MYO18A: variants seen among roughly 807,000 people sequenced by gnomAD.
MYO18A encodes myosin XVIIIA, also known as unconventional myosin-XVIIIa.
MYO18A carries 78 observed loss-of-function variants against 235.8 expected under a neutral mutation model. The observed-to-expected ratio is 0.33, with a 90% CI of 0.28 to 0.40. The LOEUF is 0.40. Ranked by LOEUF, MYO18A falls within the 10% of genes least tolerant of loss-of-function variation. MYO18A has a pLI of 1.00. For missense variants in MYO18A, 2,215 were observed against 2,699.3 expected, an observed-to-expected ratio of 0.82 and a Z score of 3.98; for synonymous variants, 977 against 1,077.8, an observed-to-expected ratio of 0.91 and a Z score of 1.83.
chr17:29,094,188 G>A (rs1216721908), intron 30 of MYO18A, 98 bp from the exon 31 acceptor site: 19 of 832,190 alleles, frequency 2.3e-5, no homozygotes, highest in African/African-American at 1.2e-4. Flanking sequence ...GGCCGAGAAC[G>A]TCCACCAGCC....
intron 2 of MYO18A, among the ~76,000 whole-genome samples, chr17:29,142,056 T>C (rs1025750004): frequency 1.3e-5 from 2 of 152,228 alleles, no homozygotes; most frequent in East Asian, 1.9e-4. Flanking sequence ...GCCATTCTCC[T>C]GCCTCAGCCT....
At chr17:29,128,983 G>A in intron 2 of MYO18A, 3 of 1,149,566 alleles carry the variant, frequency 2.6e-6, no homozygotes, top group Non-Finnish European at 3.5e-6. Flanking sequence ...ATGGAGCATG[G>A]AGAGGTCAAA....
At chr17:29,099,598 G>A in intron 22 of MYO18A, 36 bp downstream of exon 22, 8 of 1,603,636 alleles carry the variant, frequency 5.0e-6, no homozygotes, top group Non-Finnish European at 6.8e-6. Context: ...TGCCCATCTA[G>A]GTTGGGGAGG....
intron 28 of MYO18A, 49 bp from the exon 29 acceptor site, chr17:29,095,108 C>T: frequency 1.3e-6 from 2 of 1,483,800 alleles, no homozygotes; most frequent in Non-Finnish European, 1.8e-6. Context: ...GCCAGGGTCC[C>T]CCACACAGAC....
intron 2 of MYO18A, among the ~76,000 whole-genome samples, chr17:29,159,458 TA>T (rs1193025140): frequency 6.6e-6 from 1 of 151,856 alleles, no homozygotes; most frequent in Non-Finnish European, 1.5e-5. Context: ...TTCCTGTTTT[TA>T]AAAACAAAAC....
intron 2 of MYO18A, among the ~76,000 whole-genome samples, chr17:29,161,961 T>C (rs2068184095): frequency 6.6e-6 from 1 of 152,200 alleles, no homozygotes; most frequent in Admixed American, 6.5e-5. Context: ...CCCCAAGAAC[T>C]TTCCCTAAGG....
chr17:29,173,392 CTTT>C (rs759650091), intron 1 of MYO18A, among the ~76,000 whole-genome samples: 5 of 131,570 alleles, frequency 3.8e-5, no homozygotes, highest in Non-Finnish European at 4.9e-5. Flanking sequence ...GCGCCCGGCC[CTTT>C]TTTTTTTTTT....
At position 29,073,095 on chromosome 17, in the gene MYO18A, AAGAGAG is replaced by A. The variant is rs10643227; in HGVS notation, c.*1669_*1674del. 6.6e-6 allele frequency: 1 copy of A among 150,608 alleles called. No individual in the cohort carries two copies. Among genetic ancestry groups the A allele is most frequent in the African/African-American group, 2.5e-5 (1 of 40,472 alleles). 9.3% of individuals were successfully genotyped at this position (150,608 alleles called of 1,614,324 possible). ...AAAAAGAAAGAGAATGAAAGAAAGA[AAGAGAG>A]AGAGAGAGGGAGAGAGGGAGGGACG... On this transcript the variant is annotated 3_prime_UTR_variant, in exon 42 of 42. Transcript: ENST00000527372.
chr17:29,086,632 G>T, intron 38 of MYO18A, 55 bp from the exon 39 acceptor site: 3 of 1,580,756 alleles, frequency 1.9e-6, no homozygotes, highest in Non-Finnish European at 2.6e-6. Context: ...CCCCTAGATG[G>T]CCAGAAGAAG....
At chr17:29,093,913 C>T (rs2066460075) in intron 31 of MYO18A, 67 bp downstream of exon 31, 3 of 1,187,380 alleles carry the variant, frequency 2.5e-6, no homozygotes, top group African/African-American at 3.0e-5. Context: ...GGTGGAAAGC[C>T]CCTTACTTTA....
chr17:29,156,073 G>T (rs1211967155), intron 2 of MYO18A, among the ~76,000 whole-genome samples: 1 of 152,212 alleles, frequency 6.6e-6, no homozygotes, highest in African/African-American at 2.4e-5. Context: ...CTCCCTGGTA[G>T]GGACATGTGG....
chr17:29,119,234 T>A, intron 8 of MYO18A, 101 bp downstream of exon 8: 2 of 821,072 alleles, frequency 2.4e-6, no homozygotes, highest in African/African-American at 1.7e-5. Flanking sequence ...CAGTGCAGGA[T>A]GCGATCAAGT....
In MYO18A at chr17:29,166,866, C is replaced by T. The variant is rs1356275016; in HGVS notation, c.75G>A (p.Lys25=). The change falls in exon 2 of 42, where the codon AAG becomes AAA. Residue 25 remains lysine, a synonymous_variant. Transcript: ENST00000527372. ...RKEKKEKKEK[K]ERMSAAELRS... The stretch of plus-strand genomic sequence containing the variant: ...GAAGCTCTGCCGCTGACATCCGCTC[C>T]TTTTTCTCCTTTTTCTCCTTCTTCT... 3 of 1,552,696 alleles carry T rather than the reference C, an allele frequency of 1.9e-6. No individual in the cohort carries two copies. Among genetic ancestry groups the T allele is most frequent in the African/African-American group, 2.7e-5 (2 of 72,956 alleles).
intron 41 of MYO18A, among the ~76,000 whole-genome samples, chr17:29,079,332 G>T (rs1311081602): frequency 6.6e-6 from 1 of 152,196 alleles, no homozygotes; most frequent in Non-Finnish European, 1.5e-5. Flanking sequence ...ACCCTTCCCA[G>T]CTGTGCGTGA....
chr17:29,115,777 C>A lies in MYO18A; in HGVS notation c.2114G>T (p.Ser705Ile). 1 of 1,594,032 alleles carries A rather than the reference C, an allele frequency of 6.3e-7. No homozygotes were observed. Among genetic ancestry groups the A allele is most frequent in the Non-Finnish European group, 8.5e-7 (1 of 1,170,070 alleles). Residue 705 changes from serine (S) to isoleucine (I), a missense_variant, in exon 12 of 42, where the codon AGC (serine) becomes ATC (isoleucine). Physicochemically the swap from Ser to Ile is moderately radical, Grantham distance 142 (BLOSUM62 -2). Coordinates refer to ENST00000527372, the MANE Select transcript of MYO18A (RefSeq NM_078471.4). ...AQKAAYLLGC[S>I]LEELSSAIFK... ...GATGGCTGAGGACAGCTCCTCCAGG[C>A]TGCAGCCCAGTAGGTACGCAGCCTT... is the stretch of plus-strand genomic sequence containing the variant.
At chr17:29,139,133 G>A (rs548789714) in intron 2 of MYO18A, among the ~76,000 whole-genome samples, 6 of 151,966 alleles carry the variant, frequency 3.9e-5, no homozygotes, top group African/African-American at 1.5e-4. Flanking sequence ...CCGGGCACCC[G>A]CCTCACTGCA....
intron 2 of MYO18A, among the ~76,000 whole-genome samples, chr17:29,145,752 G>A (rs564282910): frequency 1.3e-5 from 2 of 152,278 alleles, no homozygotes; most frequent in Admixed American, 1.3e-4. Context: ...ATCAGCAGAG[G>A]AGATAACAAA....
chr17:29,128,062 C>G (rs1598349975), intron 2 of MYO18A: 1 of 1,016,174 alleles, frequency 9.8e-7, no homozygotes, highest in Non-Finnish European at 1.2e-6. Context: ...GCTTCTCCCC[C>G]TTCCCAGAAG....
intron 2 of MYO18A, among the ~76,000 whole-genome samples, chr17:29,164,566 T>C (rs980319551): frequency 5.3e-5 from 8 of 152,148 alleles, no homozygotes; most frequent in African/African-American, 1.9e-4. Context: ...CCATTAGCAC[T>C]TCCTCCCATT....
Sources: allele counts gnomAD v4.1 joint callset (sites outside exome capture counted in the v4.1 genomes callset), GRCh38; gene constraint gnomAD v4.1.1; transcripts MANE v1.5; gene names NCBI Gene and HGNC (gene_info 2026-07-23, HGNC 2026-07-21).